The following SNRK variants were observed in gnomAD, a reference collection of about 807,000 sequenced individuals.
The protein encoded by SNRK is SNF related kinase, also known as SNF-related serine/threonine-protein kinase.
In SNRK, 3 loss-of-function variants were observed where a neutral mutation model predicts 48.2. The observed-to-expected ratio is 0.06, with a 90% CI of 0.03 to 0.16. The LOEUF (loss-of-function observed/expected upper bound fraction) is 0.16. Among genes scored for constraint, SNRK ranks in the 10% least tolerant of loss-of-function variants. SNRK has a pLI of 1.00. For synonymous variants in SNRK, 376 were observed against 366.1 expected (o/e 1.03, Z -0.31); for missense variants, 627 against 976.0 (o/e 0.64, Z 4.76).
rs1479289556 is a variant in SNRK at position 43,350,527 on chromosome 3, T to C, written c.*1970T>C. ...TCAGATGTATATATGGTGCTCACTT[T>C]AGGATCAGCAGTGTTGACCATTTAT... On this transcript the variant is annotated 3_prime_UTR_variant, in exon 7 of 7. Coordinates refer to ENST00000296088, the MANE Select transcript of SNRK (RefSeq NM_017719.5). The C allele has an allele frequency of 6.5e-6, 1 of 152,674 alleles. No individual in the cohort carries two copies. The highest frequency in any genetic ancestry group is 1.5e-5 in the Non-Finnish European group (1 of 68,052). The allele number at this position is 152,674 out of a possible 1,614,324, so 9.5% of individuals were successfully genotyped here. A position where few individuals can be genotyped will look rare whatever the true frequency, so the allele number is the denominator to read the frequency against.
intron 1 of SNRK, chr3:43,289,714 A>G (rs2090795214): frequency 6.6e-6 from 1 of 152,578 alleles, no homozygotes; most frequent in Non-Finnish European, 1.5e-5. Context: ...CTCCCTGAAC[A>G]TTTATTTCTC....
In SNRK at chr3:43,302,458, A is replaced by C. The variant is rs187318136; in HGVS notation, c.-106-640A>C. On this transcript the variant is annotated intron_variant, in intron 2 of 6. Transcript: ENST00000296088. ...GTTGGGGGAAAGTAGAAGAAAAAAA[A>C]ATAGAACCTTAGAATAGAAAATCCC... 4.1e-4 allele frequency among the ~76,000 whole-genome samples: 63 copies of C among 152,284 alleles called. No individual in the cohort carries two copies. In the Middle Eastern group the frequency reaches 0.017, roughly 41 times the overall value.
chr3:43,347,291 G>C lies in SNRK; in HGVS notation c.1080-48G>C, dbSNP rs1481503688. 2 of 1,505,086 alleles carry C rather than the reference G, an allele frequency of 1.3e-6. No homozygotes were observed. Among genetic ancestry groups the C allele is most frequent in the East Asian group, 4.6e-5 (2 of 43,932 alleles). 93.2% of individuals were successfully genotyped at this position (1,505,086 alleles called of 1,614,324 possible). A position where few individuals can be genotyped will look rare whatever the true frequency, so the allele number is the denominator to read the frequency against. ...ATTGTGATGTACTTTACTATCATCTGCATAATGATTATATGGCTTTTTTCC... is the reference window on the plus strand; with the variant it reads ...ATTGTGATGTACTTTACTATCATCTCCATAATGATTATATGGCTTTTTTCC... On this transcript the variant is annotated intron_variant, in intron 6 of 6. Transcript: ENST00000296088. The surrounding 1 kb of genome is among the most constrained non-coding windows in gnomAD (Gnocchi z 5.4).
chr3:43,344,824 A>G (rs1020504011), intron 6 of SNRK, among the ~76,000 whole-genome samples: 1 of 152,072 alleles, frequency 6.6e-6, no homozygotes, highest in African/African-American at 2.4e-5. Context: ...GAGTAACCCC[A>G]AGGCAGATCA....
rs547902168 is a variant in SNRK, at chr3:43,294,934, G to A, written c.-168-4820G>A. On this transcript the variant is annotated intron_variant, in intron 1 of 6. Coordinates refer to ENST00000296088, the MANE Select transcript of SNRK (RefSeq NM_017719.5). ...TGGGCACAATAAGTAATTGTGGGTT[G>A]GCTTTATTTATTTTGGAGTAATTTC... Among the ~76,000 whole-genome samples the A allele has an allele frequency of 5.9e-5, 9 of 152,162 alleles. No homozygotes were observed. In the East Asian group the frequency reaches 1.7e-3, roughly 29 times the overall value.
intron 5 of SNRK, among the ~76,000 whole-genome samples, chr3:43,341,362 A>G (rs138790364): frequency 9.9e-5 from 15 of 152,262 alleles, no homozygotes; most frequent in African/African-American, 2.2e-4. Flanking sequence ...TGTGTTAGCC[A>G]GGATGGTCTC....
rs370283116 is a variant in SNRK at position 43,347,436 on chromosome 3, C to T, written c.1177C>T (p.Arg393Trp). Residue 393 changes from arginine to tryptophan, a missense_variant, in exon 7 of 7, where the codon CGG becomes TGG. Physicochemically the swap from Arg to Trp is moderately radical, Grantham distance 101. This residue lies in a region of SNRK where 175 missense variants were observed against 209.7 expected (regional missense o/e 0.83). Coordinates refer to ENST00000296088, the MANE Select transcript of SNRK (RefSeq NM_017719.5). This position sits in a 1 kb window ranked among gnomAD's most constrained non-coding sequence, Gnocchi z 5.4. ...CGCGACTGTCCCTCAGTCTCCTGCT[C>T]GGGCTGCTGACAGTGTCCTCAATGG... ...SHATVPQSPA[R>W]AADSVLNGHR... 2.2e-5 allele frequency: 36 copies of T among 1,613,884 alleles called. No homozygotes were observed. Among genetic ancestry groups the T allele is most frequent in the Non-Finnish European group, 2.7e-5 (32 of 1,179,996 alleles).
intron 3 of SNRK, among the ~76,000 whole-genome samples, chr3:43,317,337 G>A (rs1048569658): frequency 6.6e-6 from 1 of 152,166 alleles, no homozygotes; most frequent in Non-Finnish European, 1.5e-5. Flanking sequence ...AGGAGGATCT[G>A]GGGCTTTGTG....
At chr3:43,310,253 AT>A (rs1381733259) in intron 3 of SNRK, among the ~76,000 whole-genome samples, 1 of 151,890 alleles carries the variant, frequency 6.6e-6, no homozygotes, top group Non-Finnish European at 1.5e-5. Context: ...TTGCCTTATT[AT>A]TTATTACCTT....
chr3:43,344,902 GA>G, intron 6 of SNRK, among the ~76,000 whole-genome samples: 1 of 151,860 alleles, frequency 6.6e-6, no homozygotes, highest in East Asian at 1.9e-4. Context: ...ATTTAGATTT[GA>G]ACTCTCTTCT....
intron 3 of SNRK, among the ~76,000 whole-genome samples, chr3:43,321,105 T>C (rs1018175): frequency 0.22 from 33,008 of 151,994 alleles, 4,764 homozygotes; most frequent in East Asian, 0.59. Context: ...GGCTGTATTA[T>C]CAGTGTCAGT....
At chr3:43,338,911 T>C (rs1024564650) in intron 4 of SNRK, among the ~76,000 whole-genome samples, 6 of 152,240 alleles carry the variant, frequency 3.9e-5, no homozygotes, top group Non-Finnish European at 8.8e-5. Flanking sequence ...TTCTCTTTCA[T>C]GTCTTAAACA....
At chr3:43,293,444 G>C (rs528769051) in intron 1 of SNRK, among the ~76,000 whole-genome samples, 2 of 152,230 alleles carry the variant, frequency 1.3e-5, no homozygotes, top group South Asian at 2.1e-4. Context: ...TGTACAGAAA[G>C]TCAAAAATTG....
chr3:43,324,499 ACT>A (rs1296060412), intron 3 of SNRK, among the ~76,000 whole-genome samples: 5 of 139,156 alleles, frequency 3.6e-5, no homozygotes, highest in African/African-American at 1.4e-4. Context: ...ATAGGGTGAG[ACT>A]CTGTCTCAAA....
intron 4 of SNRK, among the ~76,000 whole-genome samples, chr3:43,334,926 A>G (rs2091175248): frequency 6.6e-6 from 1 of 152,082 alleles, no homozygotes; most frequent in Admixed American, 6.6e-5. Flanking sequence ...TTAAGTCTAT[A>G]AGAAGTGTGG....
rs2091313002 is a variant in SNRK at position 43,350,241 on chromosome 3, A to G, written c.*1684A>G. On this transcript the variant is annotated 3_prime_UTR_variant, in exon 7 of 7. Transcript: ENST00000296088. Reference sequence around the variant, plus strand: ...AGCTATGAGAATAGATGTGTGGGTGAAGCCATAGAACATATTTGCTTGAAA... The same window carrying G: ...AGCTATGAGAATAGATGTGTGGGTGGAGCCATAGAACATATTTGCTTGAAA... 6.6e-6 allele frequency: 1 copy of G among 152,656 alleles called. No homozygotes were observed. 9.5% of individuals were successfully genotyped at this position (152,656 alleles called of 1,614,324 possible). A position where few individuals can be genotyped will look rare whatever the true frequency, so the allele number is the denominator to read the frequency against.
chr3:43,311,459 A>G (rs1215779017), intron 3 of SNRK, among the ~76,000 whole-genome samples: 2 of 152,148 alleles, frequency 1.3e-5, no homozygotes, highest in Non-Finnish European at 1.5e-5. Context: ...GATCATGCTC[A>G]TGCACTATTG....
intron 1 of SNRK, among the ~76,000 whole-genome samples, chr3:43,295,648 T>C (rs1191606951): frequency 6.6e-6 from 1 of 152,254 alleles, no homozygotes; most frequent in East Asian, 1.9e-4. Flanking sequence ...TTAGGGCCTA[T>C]TGACCTGTTT....
chr3:43,346,000 G>A (rs1032755303), intron 6 of SNRK, among the ~76,000 whole-genome samples: 4 of 152,160 alleles, frequency 2.6e-5, no homozygotes, highest in East Asian at 1.9e-4. Flanking sequence ...TGCAGACTCC[G>A]GAGACTCTTC....
Sources: allele counts gnomAD v4.1 joint callset (sites outside exome capture counted in the v4.1 genomes callset), GRCh38; gene constraint gnomAD v4.1.1; regional missense constraint gnomAD v4.1.1; non-coding constraint Gnocchi (gnomAD v3.1); transcripts MANE v1.5; gene names NCBI Gene and HGNC (gene_info 2026-07-23, HGNC 2026-07-21).